The following KIF6 variants were observed in gnomAD, a reference collection of about 807,000 sequenced individuals.
KIF6 encodes kinesin family member 6.
In KIF6, 106 loss-of-function variants were observed where a neutral mutation model predicts 112.7. The ratio of observed to expected loss-of-function variants is 0.94; its 90% CI spans 0.80 to 1.11. The LOEUF (loss-of-function observed/expected upper bound fraction) is 1.11. Ranked by LOEUF, KIF6 falls within the 50% of genes least tolerant of loss-of-function variation. The pLI is 0.00. For missense variants in KIF6, 929 were observed against 964.0 expected (o/e 0.96, Z 0.48); for synonymous variants, 339 against 339.9 (o/e 1.00, Z 0.03).
At chr6:39,372,389 T>C (rs1302680211) in intron 16 of KIF6, among the ~76,000 whole-genome samples, 2 of 152,246 alleles carry the variant, frequency 1.3e-5, no homozygotes, top group Non-Finnish European at 2.9e-5. Flanking sequence ...AAATAAGTGG[T>C]AAATTTTCTG....
At chr6:39,399,645 A>G (rs1302948304) in intron 15 of KIF6, among the ~76,000 whole-genome samples, 2 of 152,210 alleles carry the variant, frequency 1.3e-5, no homozygotes, top group African/African-American at 4.8e-5. Flanking sequence ...GGAGAAAGTG[A>G]ACATACAAAT....
chr6:39,678,518 A>C (rs1030267987), intron 3 of KIF6, among the ~76,000 whole-genome samples: 6 of 152,212 alleles, frequency 3.9e-5, no homozygotes, highest in Non-Finnish European at 8.8e-5. Flanking sequence ...TTATAGCTTG[A>C]GGTATAAACC....
At chr6:39,430,303 G>C (rs4714253) in intron 14 of KIF6, among the ~76,000 whole-genome samples, 8,615 of 152,110 alleles carry the variant, frequency 0.057, 455 homozygotes, top group East Asian at 0.24. Flanking sequence ...TTCCTGAGTT[G>C]TCATATGATT....
chr6:39,486,700 T>C (rs80319632), intron 13 of KIF6, among the ~76,000 whole-genome samples: 1,682 of 152,324 alleles, frequency 0.011, 30 homozygotes, highest in African/African-American at 0.036. Context: ...TTGGATCCAG[T>C]CTTTGAAAGT....
chr6:39,625,036 C>G (rs1030746552), intron 5 of KIF6, among the ~76,000 whole-genome samples: 1 of 131,490 alleles, frequency 7.6e-6, no homozygotes, highest in South Asian at 2.7e-4. Flanking sequence ...ATAAGAAGAG[C>G]TCTCTCTCTC....
chr6:39,536,038 A>G (rs1213567333), intron 13 of KIF6, among the ~76,000 whole-genome samples: 2 of 151,814 alleles, frequency 1.3e-5, no homozygotes, highest in African/African-American at 2.4e-5. Flanking sequence ...ACAACATACC[A>G]GAATCTCTGG....
intron 6 of KIF6, among the ~76,000 whole-genome samples, chr6:39,606,817 T>G (rs531938522): frequency 6.6e-6 from 1 of 152,300 alleles, no homozygotes; most frequent in South Asian, 2.1e-4. Context: ...TCCTCCATAC[T>G]TGCCTGTGTT....
chr6:39,492,985 A>T (rs1239324655), intron 13 of KIF6, among the ~76,000 whole-genome samples: 1 of 152,238 alleles, frequency 6.6e-6, no homozygotes, highest in East Asian at 1.9e-4. Flanking sequence ...TGACTGCTTC[A>T]TGACTGAAAA....
At chr6:39,716,850 C>A (rs1042282383) in intron 2 of KIF6, among the ~76,000 whole-genome samples, 5 of 152,154 alleles carry the variant, frequency 3.3e-5, no homozygotes, top group African/African-American at 1.2e-4. Flanking sequence ...TCTCAGAAAG[C>A]AACAGCTCTA....
intron 10 of KIF6, among the ~76,000 whole-genome samples, chr6:39,570,969 T>A (rs889319478): frequency 1.3e-5 from 2 of 152,218 alleles, no homozygotes; most frequent in Non-Finnish European, 2.9e-5. Flanking sequence ...ATTTCCTAAC[T>A]GACTCTTGGT....
intron 7 of KIF6, among the ~76,000 whole-genome samples, chr6:39,587,544 C>T (rs909294881): frequency 6.6e-6 from 1 of 152,162 alleles, no homozygotes; most frequent in African/African-American, 2.4e-5. Context: ...TTTCAGCTCT[C>T]AGAAATGAGA....
intron 13 of KIF6, among the ~76,000 whole-genome samples, chr6:39,465,500 C>T (rs1773731329): frequency 6.6e-6 from 1 of 152,160 alleles, no homozygotes; most frequent in Admixed American, 6.5e-5. Context: ...TTCTTTATCT[C>T]CAACACCACT....
rs747294628 is a variant in KIF6, at chr6:39,540,248, C to A, written c.1427-27G>T. ...TGAAACTTGACTTAAGGATTTAATGCCTGATGCTAGCTTATAGTAATCAAA... is the reference window on the plus strand; with the variant it reads ...TGAAACTTGACTTAAGGATTTAATGACTGATGCTAGCTTATAGTAATCAAA... On this transcript the variant is annotated intron_variant, in intron 12 of 22. Coordinates refer to ENST00000287152, the MANE Select transcript of KIF6 (RefSeq NM_145027.6). 2.1e-5 allele frequency: 30 copies of A among 1,395,962 alleles called. No individual in the cohort carries two copies. In the Admixed American group the frequency reaches 4.9e-4, roughly 23 times the overall value. 86.5% of individuals were successfully genotyped at this position (1,395,962 alleles called of 1,614,324 possible).
intron 13 of KIF6, among the ~76,000 whole-genome samples, chr6:39,515,966 A>C (rs563621885): frequency 7.9e-5 from 12 of 152,354 alleles, no homozygotes; most frequent in East Asian, 1.9e-4. Context: ...TAATCTGAAA[A>C]TCCAAAATCC....
intron 7 of KIF6, among the ~76,000 whole-genome samples, chr6:39,586,659 T>C (rs1781655818): frequency 6.6e-6 from 1 of 152,214 alleles, no homozygotes; most frequent in Non-Finnish European, 1.5e-5. Flanking sequence ...ATAACCTGTA[T>C]AGAACTGGAT....
intron 3 of KIF6, among the ~76,000 whole-genome samples, chr6:39,692,590 T>C (rs942884851): frequency 1.3e-5 from 2 of 152,184 alleles, no homozygotes; most frequent in Non-Finnish European, 2.9e-5. Flanking sequence ...CAACATCAGG[T>C]AAGTTGCCAA....
In KIF6 at chr6:39,431,150, C is replaced by G. The variant is rs1179611867; in HGVS notation, c.1657G>C (p.Glu553Gln). ...LLHKKIGMREEMSLGCQEAFE... is the reference protein window; with the variant it reads ...LLHKKIGMREQMSLGCQEAFE... ...GCCTCCTGGCATCCTAATGACATTT[C>G]CTCTCTCATTCCTGTTTGGAGACAC... Residue 553 changes from glutamate to glutamine, a missense_variant, in exon 14 of 23, where the codon GAA (glutamate) becomes CAA (glutamine). This residue lies in a region of KIF6 where 688 missense variants were observed against 662.7 expected (regional missense o/e 1.04). Transcript: ENST00000287152. 2 of 1,601,712 alleles carry G rather than the reference C, an allele frequency of 1.2e-6. No homozygotes were observed. Among genetic ancestry groups the G allele is most frequent in the Non-Finnish European group, 8.6e-7 (1 of 1,168,926 alleles).
intron 13 of KIF6, among the ~76,000 whole-genome samples, chr6:39,504,482 T>C (rs1396218847): frequency 6.6e-6 from 1 of 152,180 alleles, no homozygotes; most frequent in South Asian, 2.1e-4. Context: ...CAACATAGTA[T>C]TGGAAATCCT....
chr6:39,627,003 T>G (rs1470074124), intron 5 of KIF6, among the ~76,000 whole-genome samples: 1 of 152,140 alleles, frequency 6.6e-6, no homozygotes, highest in African/African-American at 2.4e-5. Flanking sequence ...CTGATTTTTC[T>G]TCCTAAAAGG....
Sources: allele counts gnomAD v4.1 joint callset (sites outside exome capture counted in the v4.1 genomes callset), GRCh38; gene constraint gnomAD v4.1.1; regional missense constraint gnomAD v4.1.1; transcripts MANE v1.5; gene names NCBI Gene and HGNC (gene_info 2026-07-23, HGNC 2026-07-21).